PRKG1: variants seen among roughly 807,000 people sequenced by gnomAD.
PRKG1 encodes the protein cGMP-dependent protein kinase 1.
In PRKG1, 35 loss-of-function variants were observed where a neutral mutation model predicts 88.1. The ratio of observed to expected loss-of-function variants is 0.40; its 90% CI spans 0.30 to 0.53. The LOEUF (loss-of-function observed/expected upper bound fraction) is 0.53, where lower values mean the gene tolerates loss of function less well. PRKG1 is among the 20% of genes least tolerant of loss of function. The probability of loss-of-function intolerance (pLI) is 0.59; values close to 1 mark genes in which losing one functional copy is unlikely to be tolerated. For synonymous variants in PRKG1, 303 were observed against 292.5 expected (o/e 1.04, Z -0.37); for missense variants, 540 against 839.8 (o/e 0.64, Z 4.41).
At chr10:51,082,009 G>A (rs1589138709) in intron 1 of PRKG1, among the ~76,000 whole-genome samples, 1 of 152,064 alleles carries the variant, frequency 6.6e-6, no homozygotes, top group African/African-American at 2.4e-5. Flanking sequence ...CCAGCATCTG[G>A]GCCTCCAAAG....
intron 3 of PRKG1, among the ~76,000 whole-genome samples, chr10:51,549,402 A>G (rs971472104): frequency 4.6e-5 from 7 of 151,810 alleles, no homozygotes; most frequent in East Asian, 1.9e-4. Flanking sequence ...TCTGGACTCC[A>G]CTAGACACCC....
intron 6 of PRKG1, among the ~76,000 whole-genome samples, chr10:52,057,753 G>C (rs186477067): frequency 7.0e-4 from 106 of 152,124 alleles, no homozygotes; most frequent in African/African-American, 2.3e-3. Flanking sequence ...ATTTAAACAT[G>C]CCAATTAAAT....
intron 5 of PRKG1, among the ~76,000 whole-genome samples, chr10:51,947,123 G>A (rs910155927): frequency 2.6e-5 from 4 of 152,168 alleles, no homozygotes; most frequent in African/African-American, 7.2e-5. Flanking sequence ...CACCCAGTTC[G>A]AGCTTCCCAG....
At chr10:51,502,291 C>T (rs1237415038) in intron 3 of PRKG1, among the ~76,000 whole-genome samples, 2 of 152,052 alleles carry the variant, frequency 1.3e-5, no homozygotes, top group Non-Finnish European at 2.9e-5. Flanking sequence ...TCAGAATAAT[C>T]CTATCCCTGG....
rs79914582 is a variant in PRKG1, at chr10:51,239,912, T to C, written c.478+86582T>C. On this transcript the variant is annotated intron_variant, in intron 2 of 17. Coordinates refer to ENST00000373980, the MANE Select transcript of PRKG1 (RefSeq NM_006258.4). ...CAATATGGGAGTAAATCTAATTATT[T>C]TTGCAAAACATGTAACACAATTTCT... 7.8e-3 allele frequency among the ~76,000 whole-genome samples: 1,194 copies of C among 152,300 alleles called. 13 individuals carry two copies. The highest frequency in any genetic ancestry group is 0.027 in the African/African-American group (1,123 of 41,566).
chr10:51,345,049 G>C (rs1842082356), intron 2 of PRKG1, among the ~76,000 whole-genome samples: 1 of 152,000 alleles, frequency 6.6e-6, no homozygotes, highest in Non-Finnish European at 1.5e-5. Flanking sequence ...AGGTGATCTT[G>C]AAAACAATAA....
intron 3 of PRKG1, among the ~76,000 whole-genome samples, chr10:51,632,127 C>A (rs1839542440): frequency 1.3e-5 from 2 of 151,140 alleles, no homozygotes; most frequent in Non-Finnish European, 2.9e-5. Context: ...TTAAGCTTAT[C>A]AGCAATCGTT....
At chr10:51,897,553 C>T (rs924909592) in intron 4 of PRKG1, among the ~76,000 whole-genome samples, 2 of 152,154 alleles carry the variant, frequency 1.3e-5, no homozygotes, top group South Asian at 2.1e-4. Flanking sequence ...TTGAAAATAT[C>T]AAACCCTTTA....
intron 2 of PRKG1, among the ~76,000 whole-genome samples, chr10:51,307,252 T>C (rs1397979357): frequency 6.6e-6 from 1 of 152,160 alleles, no homozygotes; most frequent in Non-Finnish European, 1.5e-5. Flanking sequence ...AGTTTACATT[T>C]ATTGAGTGTT....
intron 2 of PRKG1, among the ~76,000 whole-genome samples, chr10:51,325,706 C>T (rs966553367): frequency 1.3e-5 from 2 of 152,148 alleles, no homozygotes; most frequent in Non-Finnish European, 2.9e-5. Flanking sequence ...TGTCCTATAA[C>T]GTTTCTCCAA....
intron 2 of PRKG1, among the ~76,000 whole-genome samples, chr10:51,237,322 A>G (rs1311965840): frequency 6.6e-6 from 1 of 152,202 alleles, no homozygotes; most frequent in African/African-American, 2.4e-5. Flanking sequence ...TTGCTCTAAA[A>G]TGTGTGTAGA....
rs553899998 is a variant in PRKG1, at chr10:51,053,817, G to A, written c.266+62173G>A. ...TAACTTTTGAATATATTGAGACATC[G>A]TGGAACTGAAGTTTGGAAAACTTGG... On this transcript the variant is annotated intron_variant, in intron 1 of 17. Coordinates refer to the PRKG1 transcript ENST00000401604. 8.7e-5 allele frequency among the ~76,000 whole-genome samples: 13 copies of A among 148,810 alleles called. No homozygotes were observed. The South Asian group carries it at 1.7e-3, about 19-fold the overall frequency.
chr10:51,835,095 C>T (rs1410117678), intron 4 of PRKG1, among the ~76,000 whole-genome samples: 1 of 152,142 alleles, frequency 6.6e-6, no homozygotes, highest in Admixed American at 6.6e-5. Context: ...CTCAGATAGG[C>T]ACTTGGTGTT....
intron 7 of PRKG1, among the ~76,000 whole-genome samples, chr10:52,090,604 G>C (rs538567678): frequency 6.6e-6 from 1 of 152,110 alleles, no homozygotes; most frequent in African/African-American, 2.4e-5. Flanking sequence ...AAACTTTAAG[G>C]TGAAAGGGGA....
chr10:51,891,612 T>C (rs982772331), intron 4 of PRKG1, among the ~76,000 whole-genome samples: 7 of 152,204 alleles, frequency 4.6e-5, no homozygotes, highest in African/African-American at 1.7e-4. Context: ...ACACCGTACC[T>C]GACCTTAAGG....
chr10:51,406,621 GTT>G (rs34189565), intron 2 of PRKG1, among the ~76,000 whole-genome samples: 83,619 of 141,872 alleles, frequency 0.59, 24,393 homozygotes, highest in African/African-American at 0.63. Flanking sequence ...CATTATGTTT[GTT>G]TTTTTTTTTT....
chr10:51,850,954 C>T (rs1407826664), intron 4 of PRKG1, among the ~76,000 whole-genome samples: 3 of 152,080 alleles, frequency 2.0e-5, no homozygotes, highest in Non-Finnish European at 4.4e-5. Context: ...GGTATCTTTA[C>T]CTTTGATCTA....
At chr10:51,449,234 AAAATAAATAAAAAAT>A (rs983682083) in intron 2 of PRKG1, among the ~76,000 whole-genome samples, 1 of 151,960 alleles carries the variant, frequency 6.6e-6, no homozygotes, top group African/African-American at 2.4e-5. Flanking sequence ...TGCTAAAAAT[AAAATAAATAAAAAAT>A]AAATAAATAA....
intron 3 of PRKG1, among the ~76,000 whole-genome samples, chr10:51,707,873 T>C (rs1841648069): frequency 6.6e-6 from 1 of 152,196 alleles, no homozygotes; most frequent in Non-Finnish European, 1.5e-5. Context: ...AGAATTCCAG[T>C]TTAAATTTAC....
Sources: gnomAD v4.1 joint callset for allele counts (sites outside exome capture counted in the v4.1 genomes callset) on GRCh38, gnomAD v4.1.1 for gene constraint, MANE v1.5 for transcripts, NCBI Gene and HGNC (gene_info 2026-07-23, HGNC 2026-07-21) for gene names.